EPHB2: variants seen among roughly 807,000 people sequenced by gnomAD.
EPHB2 encodes the protein EPH receptor B2.
Under a neutral mutation model 96.4 loss-of-function variants are expected in EPHB2, and 18 were observed. That is an observed-to-expected ratio of 0.19 (90% CI 0.13 to 0.28). The LOEUF is 0.28. EPHB2 is among the 10% of genes least tolerant of loss of function. EPHB2 has a pLI of 1.00. For missense variants in EPHB2, 989 were observed against 1,355.4 expected (o/e 0.73, Z 4.25); for synonymous variants, 506 against 534.1 (o/e 0.95, Z 0.72).
intron 5 of EPHB2, among the ~76,000 whole-genome samples, chr1:22,879,416 C>G (rs1638957389): frequency 6.6e-6 from 1 of 152,224 alleles, no homozygotes; most frequent in Non-Finnish European, 1.5e-5. Context: ...GGGCAGACAG[C>G]CTGGACTTCA....
chr1:22,906,722 A>G lies in EPHB2; in HGVS notation c.1901A>G (p.Glu634Gly). 6.2e-7 allele frequency: 1 copy of G among 1,614,132 alleles called. No individual in the cohort carries two copies. Among genetic ancestry groups the G allele is most frequent in the Non-Finnish European group, 8.5e-7 (1 of 1,180,032 alleles). ...EQVIGAGEFG[E>G]VCSGHLKLPG... The stretch of plus-strand genomic sequence containing the variant: ...GTTTCTCTCTCAGGGGAGTTTGGCG[A>G]GGTCTGCAGTGGCCACCTGAAGCTG... The change falls in exon 11 of 16, where the codon GAG (glutamate) becomes GGG (glycine). Residue 634 changes from glutamate (E) to glycine (G), a missense_variant. Glu to Gly is a moderately conservative substitution (Grantham distance 98, BLOSUM62 -2). Transcript: ENST00000374630. This position sits in a 1 kb window ranked among gnomAD's most constrained non-coding sequence, Gnocchi z 4.8.
At chr1:22,851,736 C>G (rs1449069060) in intron 3 of EPHB2, among the ~76,000 whole-genome samples, 1 of 152,256 alleles carries the variant, frequency 6.6e-6, no homozygotes, top group Non-Finnish European at 1.5e-5. Context: ...TTGAACCTCA[C>G]GTGCTAGCAA....
chr1:22,848,486 A>G lies in EPHB2; in HGVS notation c.812-14551A>G, dbSNP rs139231842. 7.6e-3 allele frequency among the ~76,000 whole-genome samples: 1,162 copies of G among 152,336 alleles called. 13 individuals are homozygous for G. The highest frequency in any genetic ancestry group is 0.019 in the African/African-American group (771 of 41,564). On this transcript the variant is annotated intron_variant, in intron 3 of 15. Transcript: ENST00000374630. ...TGGCTGTCACTCTACTTCTACTCTTACAGCCTACAATCACATTGGCTTTTT... is the reference window on the plus strand; with the variant it reads ...TGGCTGTCACTCTACTTCTACTCTTGCAGCCTACAATCACATTGGCTTTTT...
At chr1:22,714,877 TTC>T (rs780136874) in intron 1 of EPHB2, among the ~76,000 whole-genome samples, 6 of 152,194 alleles carry the variant, frequency 3.9e-5, no homozygotes, top group Non-Finnish European at 7.3e-5. Flanking sequence ...CCTTCCCTGA[TTC>T]TCTCTTCTAA....
At chr1:22,811,863 AC>A (rs1337959067) in intron 3 of EPHB2, among the ~76,000 whole-genome samples, 1 of 151,566 alleles carries the variant, frequency 6.6e-6, no homozygotes, top group Non-Finnish European at 1.5e-5. Context: ...ACATAGTGAG[AC>A]CCCATCTCTA....
At chr1:22,868,103 G>T (rs552226818) in intron 5 of EPHB2, among the ~76,000 whole-genome samples, 2 of 152,288 alleles carry the variant, frequency 1.3e-5, no homozygotes, top group South Asian at 4.1e-4. Context: ...GAGCTCTGCA[G>T]GTGGAACTGC....
intron 3 of EPHB2, among the ~76,000 whole-genome samples, chr1:22,806,999 G>A (rs907734168): frequency 6.6e-6 from 1 of 152,164 alleles, no homozygotes; most frequent in African/African-American, 2.4e-5. Context: ...AAGGAAGGAT[G>A]GGAACGCTTC....
chr1:22,815,025 G>A (rs1180650708), intron 3 of EPHB2, among the ~76,000 whole-genome samples: 3 of 152,234 alleles, frequency 2.0e-5, no homozygotes, highest in Non-Finnish European at 2.9e-5. Context: ...CCGTCACCAC[G>A]CTGGGCAGGG....
At chr1:22,904,143 A>G (rs1231023305) in intron 9 of EPHB2, among the ~76,000 whole-genome samples, 1 of 152,156 alleles carries the variant, frequency 6.6e-6, no homozygotes, top group Non-Finnish European at 1.5e-5. Flanking sequence ...AATACAAAAA[A>G]TAAGCTGAGT....
At chr1:22,727,947 C>T (rs763689241) in intron 1 of EPHB2, among the ~76,000 whole-genome samples, 2 of 151,838 alleles carry the variant, frequency 1.3e-5, no homozygotes, top group Non-Finnish European at 2.9e-5. Context: ...CTGGCTGAGA[C>T]TCAGACATAG....
chr1:22,880,056 G>C (rs1417054297), intron 5 of EPHB2, among the ~76,000 whole-genome samples: 1 of 152,140 alleles, frequency 6.6e-6, no homozygotes, highest in African/African-American at 2.4e-5. Flanking sequence ...CTCATTCTCG[G>C]TGTCAAGGGC....
chr1:22,822,768 G>A (rs1365839996), intron 3 of EPHB2, among the ~76,000 whole-genome samples: 7 of 152,216 alleles, frequency 4.6e-5, no homozygotes, highest in Admixed American at 4.6e-4. Flanking sequence ...GTGCTGCTAT[G>A]GCCTGCCGTC....
At position 22,746,741 on chromosome 1, in the gene EPHB2, AG is replaced by A. The variant is rs1643980710; in HGVS notation, c.62-34679del. 2.6e-5 allele frequency among the ~76,000 whole-genome samples: 4 copies of A among 152,344 alleles called. No homozygotes were observed. The South Asian group carries it at 8.3e-4, about 32-fold the overall frequency. On this transcript the variant is annotated intron_variant, in intron 1 of 15. Coordinates refer to ENST00000374630, the MANE Select transcript of EPHB2 (RefSeq NM_017449.5). Reference sequence around the variant, plus strand: ...TCACCTCCACCTTTCAGGATGCAGAAGTCAGGTCACAAAGGTGTGAAGTGTG... The same window carrying A: ...TCACCTCCACCTTTCAGGATGCAGAATCAGGTCACAAAGGTGTGAAGTGTG...
chr1:22,782,010 C>T (rs1644539984), intron 2 of EPHB2, among the ~76,000 whole-genome samples: 1 of 152,100 alleles, frequency 6.6e-6, no homozygotes, highest in Admixed American at 6.5e-5. Context: ...TTCTGGGTCC[C>T]CATAACACAA....
intron 1 of EPHB2, among the ~76,000 whole-genome samples, chr1:22,740,776 C>G (rs1220082453): frequency 2.0e-5 from 3 of 152,166 alleles, no homozygotes; most frequent in Non-Finnish European, 4.4e-5. Context: ...TTCTTCAGCC[C>G]CAGACCCCTC....
intron 6 of EPHB2, among the ~76,000 whole-genome samples, chr1:22,889,367 A>C (rs1639322668): frequency 1.3e-5 from 2 of 152,024 alleles, no homozygotes; most frequent in African/African-American, 4.8e-5. Flanking sequence ...ACAGAATCTA[A>C]CCTGTTTTCA....
chr1:22,749,055 CTG>C (rs920272535), intron 1 of EPHB2, among the ~76,000 whole-genome samples: 2 of 150,220 alleles, frequency 1.3e-5, no homozygotes, highest in Non-Finnish European at 3.0e-5. Context: ...GAGTTTCACT[CTG>C]TTGCCCAGGC....
chr1:22,763,583 C>T lies in EPHB2; in HGVS notation c.62-17838C>T, dbSNP rs147876170. Among the ~76,000 whole-genome samples the T allele has an allele frequency of 4.4e-4, 67 of 152,212 alleles. No individual in the cohort carries two copies. In the South Asian group the frequency reaches 7.5e-3, roughly 17 times the overall value. On this transcript the variant is annotated intron_variant, in intron 1 of 15. Transcript: ENST00000374630. ...GCAGAGGGTCTGGGTGGTTTCTCAG[C>T]GGCAAGGAGTGAGTGTGTGGGGTTC...
At position 22,858,065 on chromosome 1, in the gene EPHB2, G is replaced by A. The variant is rs781292311; in HGVS notation, c.812-4972G>A. On this transcript the variant is annotated intron_variant, in intron 3 of 15. Coordinates refer to ENST00000374630, the MANE Select transcript of EPHB2 (RefSeq NM_017449.5). The surrounding 1 kb of genome is among the most constrained non-coding windows in gnomAD (Gnocchi z 7.7). ...TGCTTTAGCCAGGGTGGTCAGGGTG[G>A]GCCTCTCGGAGGAGGTGGCATTTAA... Among the ~76,000 whole-genome samples the A allele has an allele frequency of 1.4e-4, 22 of 152,260 alleles. No individual in the cohort carries two copies. The highest frequency in any genetic ancestry group is 2.6e-4 in the Non-Finnish European group (18 of 68,020).
Sources: gnomAD v4.1 joint callset for allele counts (sites outside exome capture counted in the v4.1 genomes callset) on GRCh38, gnomAD v4.1.1 for gene constraint, Gnocchi (gnomAD v3.1) non-coding constraint, MANE v1.5 for transcripts, NCBI Gene and HGNC (gene_info 2026-07-23, HGNC 2026-07-21) for gene names.